The following PREP variants were observed in gnomAD, a reference collection of about 807,000 sequenced individuals.
The protein encoded by PREP is prolyl endopeptidase, also known as dJ355L5.1 (prolyl endopeptidase).
PREP carries 29 observed loss-of-function variants against 87.6 expected under a neutral mutation model. The observed-to-expected ratio is 0.33, with a 90% confidence interval of 0.25 to 0.45. PREP has a LOEUF of 0.45. Ranked by LOEUF, PREP falls within the 20% of genes least tolerant of loss-of-function variation. The pLI, the probability that PREP is intolerant of heterozygous loss-of-function variation, is 1.00. For missense variants in PREP, 695 were observed against 886.5 expected, an observed-to-expected ratio of 0.78 and a Z score of 2.74; for synonymous variants, 337 against 328.6, an observed-to-expected ratio of 1.03 and a Z score of -0.28.
intron 2 of PREP, among the ~76,000 whole-genome samples, chr6:105,384,246 G>A (rs1246189189): frequency 6.6e-6 from 1 of 152,124 alleles, no homozygotes; most frequent in Non-Finnish European, 1.5e-5. Flanking sequence ...CACCCATCAG[G>A]GAGCCAGCCT....
intron 2 of PREP, among the ~76,000 whole-genome samples, chr6:105,393,259 C>T (rs7759729): frequency 0.42 from 64,605 of 152,030 alleles, 17,082 homozygotes; most frequent in African/African-American, 0.76. Flanking sequence ...TGAAATGCTA[C>T]CAGTAGGTCT....
intron 10 of PREP, chr6:105,298,984 A>G (rs1770475258): frequency 2.0e-5 from 3 of 152,294 alleles, no homozygotes; most frequent in South Asian, 2.1e-4. Flanking sequence ...GCACAGCAGC[A>G]TAACAATATT....
chr6:105,377,534 A>G lies in PREP; in HGVS notation c.121-15T>C. ...TCCACAAAGGCCTGTGGAGAAATTA[A>G]AATGGACAAAGCAAGTTAAATATAA... On this transcript the variant is annotated splice_polypyrimidine_tract_variant and intron_variant, in intron 2 of 14. Transcript: ENST00000652536. The G allele has an allele frequency of 1.2e-6, 2 of 1,608,216 alleles. No homozygotes were observed. The highest frequency in any genetic ancestry group is 1.7e-6 in the Non-Finnish European group (2 of 1,178,528).
chr6:105,308,936 G>A (rs1770704396), intron 10 of PREP, among the ~76,000 whole-genome samples: 1 of 151,920 alleles, frequency 6.6e-6, no homozygotes, highest in Non-Finnish European at 1.5e-5. Flanking sequence ...GAGCGAAGGA[G>A]TCTCTGATCC....
chr6:105,367,684 A>G lies in PREP; in HGVS notation c.717+1219T>C, dbSNP rs148139742. 3.0e-3 allele frequency among the ~76,000 whole-genome samples: 455 copies of G among 152,194 alleles called. 13 individuals carry two copies. In the East Asian group the frequency reaches 0.072, roughly 24 times the overall value. On this transcript the variant is annotated intron_variant, in intron 6 of 14. Transcript: ENST00000652536. ...GAGACTCCGTCTCAAAAAAAAAAAA[A>G]AAAAGAAAAACGGACAAATTTTAGG...
intron 10 of PREP, among the ~76,000 whole-genome samples, chr6:105,303,217 A>C (rs1385392629): frequency 1.3e-5 from 2 of 152,030 alleles, no homozygotes; most frequent in Non-Finnish European, 2.9e-5. Context: ...GGCATGCACC[A>C]CCACATGCAG....
At chr6:105,378,511 A>G (rs1409376983) in intron 2 of PREP, among the ~76,000 whole-genome samples, 1 of 152,212 alleles carries the variant, frequency 6.6e-6, no homozygotes, top group Non-Finnish European at 1.5e-5. Context: ...GCAGAAGAAT[A>G]TCAGCAACAT....
chr6:105,342,621 T>TA (rs1328253163), intron 7 of PREP, among the ~76,000 whole-genome samples: 1 of 152,216 alleles, frequency 6.6e-6, no homozygotes, highest in Admixed American at 6.5e-5. Flanking sequence ...CACGATTGTA[T>TA]ATTTAGAAAA....
intron 9 of PREP, 31 bp from the exon 10 acceptor site, chr6:105,323,799 T>C: frequency 6.5e-7 from 1 of 1,546,640 alleles, no homozygotes; most frequent in Non-Finnish European, 8.9e-7. Flanking sequence ...TGGTTTAGTC[T>C]ACGGGACTCA....
rs1336794587 is a variant in PREP at position 105,282,555 on chromosome 6, C to T, written c.1577G>A (p.Cys526Tyr). The T allele has an allele frequency of 1.2e-6, 2 of 1,613,984 alleles. No homozygotes were observed. Among genetic ancestry groups the T allele is most frequent in the Non-Finnish European group, 1.7e-6 (2 of 1,179,990 alleles). Reference sequence around the variant, plus strand: ...AGCAGCACACTGAAAGTCATCAAAGCAGTTTTGTTTGTTGGCCAAGATACC... The same window carrying T: ...AGCAGCACACTGAAAGTCATCAAAGTAGTTTTGTTTGTTGGCCAAGATACC... ...KGGILANKQN[C>Y]FDDFQCAAEY... Residue 526 changes from cysteine (C) to tyrosine (Y), a missense_variant, in exon 13 of 15, where the codon TGC becomes TAC. By Grantham distance (194) the Cys-to-Tyr change is radical (BLOSUM62 -2). Transcript: ENST00000652536.
chr6:105,387,685 A>C (rs1453688125), intron 2 of PREP, among the ~76,000 whole-genome samples: 3 of 152,202 alleles, frequency 2.0e-5, no homozygotes, highest in Non-Finnish European at 4.4e-5. Flanking sequence ...AAAATCTCAT[A>C]ATGTTTTCAG....
At chr6:105,365,373 T>C (rs995701127) in intron 6 of PREP, among the ~76,000 whole-genome samples, 3 of 152,186 alleles carry the variant, frequency 2.0e-5, no homozygotes, top group Non-Finnish European at 4.4e-5. Flanking sequence ...AGTTCTACAG[T>C]GCACCTGCTT....
chr6:105,323,945 T>C (rs79199576), intron 9 of PREP, among the ~76,000 whole-genome samples, 177 bp from the exon 10 acceptor site: 155 of 152,354 alleles, frequency 1.0e-3, no homozygotes, highest in African/African-American at 3.4e-3. Flanking sequence ...GAACAGAGTC[T>C]GGCATGAGGG....
chr6:105,369,786 T>A (rs1772486792), intron 5 of PREP, among the ~76,000 whole-genome samples: 1 of 151,892 alleles, frequency 6.6e-6, no homozygotes, highest in African/African-American at 2.4e-5. Context: ...AATTCCTAAA[T>A]ATACAAAGAA....
At chr6:105,301,807 A>G (rs985955573) in intron 10 of PREP, among the ~76,000 whole-genome samples, 4 of 152,234 alleles carry the variant, frequency 2.6e-5, no homozygotes, top group Non-Finnish European at 5.9e-5. Context: ...TGCTATACTG[A>G]TCATCTCTGC....
chr6:105,343,443 A>T (rs1771714859), intron 7 of PREP, among the ~76,000 whole-genome samples: 1 of 152,224 alleles, frequency 6.6e-6, no homozygotes, highest in South Asian at 2.1e-4. Flanking sequence ...AACCTAGGCA[A>T]TACCATTCAG....
rs1461777677 is a variant in PREP, at chr6:105,278,477, C to T, written c.1839-39G>A. 6.4e-7 allele frequency: 1 copy of T among 1,573,720 alleles called. No homozygotes were observed. The highest frequency in any genetic ancestry group is 8.7e-7 in the Non-Finnish European group (1 of 1,151,990). On this transcript the variant is annotated intron_variant, in intron 14 of 14. Coordinates refer to ENST00000652536, the MANE Select transcript of PREP (RefSeq NM_002726.5). The surrounding 1 kb of genome is among the most constrained non-coding windows in gnomAD (Gnocchi z 4.2). ...ACACCTTTGTGAGGCTGGAGAGCAA[C>T]AGTAGAGTTTTATGGCACAGGGACC...
chr6:105,289,032 T>C, intron 10 of PREP, 138 bp from the exon 11 acceptor site: 1 of 823,556 alleles, frequency 1.2e-6, no homozygotes, highest in South Asian at 1.9e-5. Context: ...CAAGGGCTAT[T>C]TGGTGAAGCA....
At chr6:105,284,411 C>A (rs1770145841) in intron 12 of PREP, among the ~76,000 whole-genome samples, 2 of 152,130 alleles carry the variant, frequency 1.3e-5, no homozygotes, top group African/African-American at 4.8e-5. Context: ...GGTTTACCCT[C>A]ATGTTCGCTG....
Sources: allele counts gnomAD v4.1 joint callset (sites outside exome capture counted in the v4.1 genomes callset), GRCh38; gene constraint gnomAD v4.1.1; non-coding constraint Gnocchi (gnomAD v3.1); transcripts MANE v1.5; gene names NCBI Gene and HGNC (gene_info 2026-07-23, HGNC 2026-07-21).